The following CDH13 variants were observed in gnomAD, a reference collection of about 807,000 sequenced individuals.
CDH13 encodes the protein cadherin-13.
In CDH13, 24 loss-of-function variants were observed where a neutral mutation model predicts 63.8. That is an observed-to-expected ratio of 0.38 (90% CI 0.27 to 0.53). The LOEUF (loss-of-function observed/expected upper bound fraction) is 0.53. CDH13 is among the 20% of genes least tolerant of loss of function. The probability of loss-of-function intolerance (pLI) is 0.85; values close to 1 mark genes in which losing one functional copy is unlikely to be tolerated. For missense variants in CDH13, 1,049 were observed against 903.1 expected, an observed-to-expected ratio of 1.16 and a Z score of -2.07; for synonymous variants, 503 against 355.3, an observed-to-expected ratio of 1.42 and a Z score of -4.67.
intron 1 of CDH13, among the ~76,000 whole-genome samples, chr16:82,807,481 C>G (rs1285771626): frequency 6.6e-6 from 1 of 152,112 alleles, no homozygotes; most frequent in Non-Finnish European, 1.5e-5. Context: ...CAGAGGTTCA[C>G]AATTCCCAAC....
chr16:83,312,096 G>A (rs1022371731), intron 5 of CDH13, among the ~76,000 whole-genome samples: 1 of 151,348 alleles, frequency 6.6e-6, no homozygotes, highest in Non-Finnish European at 1.5e-5. Flanking sequence ...AGAATCTTGG[G>A]AGACAGTGTG....
At chr16:83,173,591 C>A (rs1026037114) in intron 4 of CDH13, among the ~76,000 whole-genome samples, 3 of 152,102 alleles carry the variant, frequency 2.0e-5, no homozygotes, top group African/African-American at 7.2e-5. Context: ...TTGCACTGGA[C>A]ATATTAATAC....
chr16:83,762,348 A>G (rs184757136), intron 11 of CDH13, among the ~76,000 whole-genome samples: 153 of 152,232 alleles, frequency 1.0e-3, no homozygotes, highest in Middle Eastern at 3.4e-3. Context: ...GAAGACTTCA[A>G]TGAACACAGA....
chr16:83,468,665 T>TGCCTCTCC (rs1298561026), intron 6 of CDH13, among the ~76,000 whole-genome samples: 59 of 152,336 alleles, frequency 3.9e-4, no homozygotes, highest in African/African-American at 1.3e-3. Flanking sequence ...GCTGCCTCTC[T>TGCCTCTCC]GCCTCTCCCT....
At chr16:83,046,433 C>G (rs976502091) in intron 3 of CDH13, among the ~76,000 whole-genome samples, 4 of 151,956 alleles carry the variant, frequency 2.6e-5, no homozygotes, top group Admixed American at 2.0e-4. Context: ...AGTCAATTCT[C>G]TAAGAAAAAG....
intron 5 of CDH13, among the ~76,000 whole-genome samples, chr16:83,265,114 CTCAAG>C (rs1369963863): frequency 6.6e-6 from 1 of 152,146 alleles, no homozygotes; most frequent in Non-Finnish European, 1.5e-5. Flanking sequence ...CTTTAAATGT[CTCAAG>C]TCGTCTGTTT....
At chr16:83,506,449 T>A (rs2074397808) in intron 7 of CDH13, among the ~76,000 whole-genome samples, 1 of 152,192 alleles carries the variant, frequency 6.6e-6, no homozygotes, top group Non-Finnish European at 1.5e-5. Flanking sequence ...CAAACTACAG[T>A]CTGACCCATG....
intron 2 of CDH13, among the ~76,000 whole-genome samples, chr16:82,963,892 C>T (rs975584701): frequency 2.6e-5 from 4 of 152,296 alleles, no homozygotes; most frequent in Middle Eastern, 3.4e-3. Context: ...AAAGCCAGGT[C>T]GGAGAATAGA....
chr16:83,054,667 A>T (rs560969034), intron 3 of CDH13, among the ~76,000 whole-genome samples: 24 of 152,308 alleles, frequency 1.6e-4, no homozygotes, highest in African/African-American at 5.8e-4. Flanking sequence ...AACTACAGAT[A>T]AGAGGGTGAC....
intron 2 of CDH13, among the ~76,000 whole-genome samples, chr16:82,942,926 C>T (rs1379383795): frequency 6.6e-6 from 1 of 152,164 alleles, no homozygotes; most frequent in Non-Finnish European, 1.5e-5. Flanking sequence ...TTCTGTTTAA[C>T]TTCAGAGTCT....
At chr16:83,329,228 G>A (rs1007261293) in intron 5 of CDH13, among the ~76,000 whole-genome samples, 1 of 152,002 alleles carries the variant, frequency 6.6e-6, no homozygotes, top group Non-Finnish European at 1.5e-5. Flanking sequence ...TTCTTGTTTT[G>A]TTTTGTTTTG....
intron 2 of CDH13, among the ~76,000 whole-genome samples, chr16:82,904,705 A>G (rs2041586687): frequency 6.6e-6 from 1 of 152,124 alleles, no homozygotes; most frequent in East Asian, 1.9e-4. Flanking sequence ...CTCCTCTCCC[A>G]TCACAGCATA....
intron 6 of CDH13, among the ~76,000 whole-genome samples, chr16:83,464,744 A>G (rs376169463): frequency 1.3e-5 from 2 of 152,096 alleles, no homozygotes; most frequent in South Asian, 2.1e-4. Flanking sequence ...ATTACATCCG[A>G]AAAGACACAT....
chr16:82,975,039 T>C (rs1909301512), intron 2 of CDH13, among the ~76,000 whole-genome samples: 1 of 152,238 alleles, frequency 6.6e-6, no homozygotes, highest in African/African-American at 2.4e-5. Flanking sequence ...TCCTCACGTC[T>C]GCACACCCTC....
intron 1 of CDH13, among the ~76,000 whole-genome samples, chr16:82,671,162 C>G (rs1913196969): frequency 6.6e-6 from 1 of 152,158 alleles, no homozygotes; most frequent in Non-Finnish European, 1.5e-5. Flanking sequence ...AGCTAACATT[C>G]TTTAAGTACT....
At chr16:83,148,696 T>C (rs1051783685) in intron 4 of CDH13, among the ~76,000 whole-genome samples, 1 of 152,236 alleles carries the variant, frequency 6.6e-6, no homozygotes, top group Non-Finnish European at 1.5e-5. Flanking sequence ...GAATATCTAA[T>C]ACAGTTAATA....
At chr16:83,073,044 C>G (rs148926441) in intron 3 of CDH13, among the ~76,000 whole-genome samples, 3 of 152,160 alleles carry the variant, frequency 2.0e-5, no homozygotes, top group Non-Finnish European at 2.9e-5. Flanking sequence ...GTCCTAAGTG[C>G]TTGTGTTGAG....
At chr16:83,542,277 T>G (rs1422378502) in intron 7 of CDH13, among the ~76,000 whole-genome samples, 1 of 152,190 alleles carries the variant, frequency 6.6e-6, no homozygotes, top group Non-Finnish European at 1.5e-5. Context: ...TCTGGTTTTG[T>G]TTTTGTTTTA....
At chr16:83,377,347 C>G (rs1161520748) in intron 6 of CDH13, among the ~76,000 whole-genome samples, 1 of 152,154 alleles carries the variant, frequency 6.6e-6, no homozygotes, top group African/African-American at 2.4e-5. Context: ...CCCCCAGTTC[C>G]TAAAAAGCCT....
Sources: gnomAD v4.1 joint callset for allele counts (sites outside exome capture counted in the v4.1 genomes callset) on GRCh38, gnomAD v4.1.1 for gene constraint, MANE v1.5 for transcripts, NCBI Gene and HGNC (gene_info 2026-07-23, HGNC 2026-07-21) for gene names.